SLC30A1: variants seen among roughly 807,000 people sequenced by gnomAD.
SLC30A1 encodes proton-coupled zinc antiporter SLC30A1.
In SLC30A1, 7 loss-of-function variants were observed where a neutral mutation model predicts 29.8. The ratio of observed to expected loss-of-function variants is 0.23; its 90% confidence interval spans 0.13 to 0.44. SLC30A1 has a LOEUF of 0.44. Among genes scored for constraint, SLC30A1 ranks in the 20% least tolerant of loss-of-function variants. The pLI, the probability that SLC30A1 is intolerant of heterozygous loss-of-function variation, is 1.00. For synonymous variants in SLC30A1, 254 were observed against 253.5 expected (o/e 1.00, Z -0.02); for missense variants, 446 against 647.9 (o/e 0.69, Z 3.38).
chr1:211,578,078 G>C lies in SLC30A1; in HGVS notation c.535C>G (p.Pro179Ala), dbSNP rs778260784. ...RPGSSDINVA[P>A]GEQGPDQEET... ...TCCTGGTCGGGACCCTGCTCGCCCGGGGCCACGTTGATGTCGCTGCTCCCG... is the reference window on the plus strand; with the variant it reads ...TCCTGGTCGGGACCCTGCTCGCCCGCGGCCACGTTGATGTCGCTGCTCCCG... Residue 179 changes from proline (P) to alanine (A), a missense_variant, in exon 1 of 2, where the codon CCG becomes GCG. Coordinates refer to ENST00000367001, the MANE Select transcript of SLC30A1 (RefSeq NM_021194.3). 6.2e-7 allele frequency: 1 copy of C among 1,612,436 alleles called. No homozygotes were observed. The highest frequency in any genetic ancestry group is 8.5e-7 in the Non-Finnish European group (1 of 1,179,566).
rs896239454 is a variant in SLC30A1 at position 211,577,103 on chromosome 1, A to G, written c.623-814T>C. Among the ~76,000 whole-genome samples the G allele has an allele frequency of 1.3e-5, 2 of 152,236 alleles. No individual in the cohort carries two copies. The highest frequency in any genetic ancestry group is 2.9e-5 in the Non-Finnish European group (2 of 68,044). On this transcript the variant is annotated intron_variant, in intron 1 of 1. Transcript: ENST00000367001. The surrounding 1 kb of genome is among the most constrained non-coding windows in gnomAD (Gnocchi z 4.5). The stretch of plus-strand genomic sequence containing the variant: ...CTAACTTCATATTCTGCACTCGAAA[A>G]GGAAAATTATGTAGCATAATTTATA...
rs75248493 is a variant in SLC30A1 at position 211,572,091 on chromosome 1, T to G, written c.*3297A>C. ...AGGCTCTTGTGCCAGTGAAAATGACTGCTAAATATTCCAGAGCTTGTTAGT... is the reference window on the plus strand; with the variant it reads ...AGGCTCTTGTGCCAGTGAAAATGACGGCTAAATATTCCAGAGCTTGTTAGT... On this transcript the variant is annotated 3_prime_UTR_variant, in exon 2 of 2. Transcript: ENST00000367001. 6.6e-6 allele frequency: 1 copy of G among 152,154 alleles called. No individual in the cohort carries two copies. Among genetic ancestry groups the G allele is most frequent in the Non-Finnish European group, 1.5e-5 (1 of 67,974 alleles). The allele number at this position is 152,154 out of a possible 1,614,324, so 9.4% of individuals were successfully genotyped here.
intron 1 of SLC30A1, among the ~76,000 whole-genome samples, chr1:211,576,916 C>CA (rs1706726024): frequency 6.6e-6 from 1 of 152,016 alleles, no homozygotes. Flanking sequence ...TTGATCTTTT[C>CA]AAAAAGTATT....
rs1706673230 is a variant in SLC30A1, at chr1:211,573,221, A to G, written c.*2167T>C. 6.6e-6 allele frequency: 1 copy of G among 152,096 alleles called. No homozygotes were observed. The allele number at this position is 152,096 out of a possible 1,614,324, so 9.4% of individuals were successfully genotyped here. The stretch of plus-strand genomic sequence containing the variant: ...TGTTTCTGCCGACAGTCATTTGAAA[A>G]AAGAAAATCCTATGGTACCACCATT... On this transcript the variant is annotated 3_prime_UTR_variant, in exon 2 of 2. Coordinates refer to ENST00000367001, the MANE Select transcript of SLC30A1 (RefSeq NM_021194.3).
Position 211,575,796 on chromosome 1 carries a change from T to C in SLC30A1, c.1116A>G (p.Leu372=). ...NVEGVEEVHE[L]HVWQLAGSRI... ...TGCTTCCAGCAAGTTGCCAAACATG[T>C]AATTCATGAACTTCCTCAACTCCTT... Residue 372 remains leucine, a synonymous_variant, in exon 2 of 2, where the codon TTA becomes TTG. Coordinates refer to ENST00000367001, the MANE Select transcript of SLC30A1 (RefSeq NM_021194.3). The surrounding 1 kb of genome is among the most constrained non-coding windows in gnomAD (Gnocchi z 6.0). 1 of 1,614,170 alleles carries C rather than the reference T, an allele frequency of 6.2e-7. No homozygotes were observed. Among genetic ancestry groups the C allele is most frequent in the Admixed American group, 1.7e-5 (1 of 60,036 alleles).
rs1326900549 is a variant in SLC30A1, at chr1:211,575,105, TTATGTTA to T, written c.*276_*282del. The T allele has an allele frequency of 8.3e-6, 2 of 240,242 alleles. No homozygotes were observed. Among genetic ancestry groups the T allele is most frequent in the East Asian group, 1.7e-4 (2 of 11,764 alleles). The allele number at this position is 240,242 out of a possible 1,614,324, so 14.9% of individuals were successfully genotyped here. A position where few individuals can be genotyped will look rare whatever the true frequency, so the allele number is the denominator to read the frequency against. On this transcript the variant is annotated 3_prime_UTR_variant, in exon 2 of 2. Transcript: ENST00000367001. This position sits in a 1 kb window ranked among gnomAD's most constrained non-coding sequence, Gnocchi z 6.0. ...GGAAAAATCCAGAAATCAAATGTCA[TTATGTTA>T]TATAAGGTTTAACTTACTTTAAACA...
chr1:211,572,846 T>G lies in SLC30A1; in HGVS notation c.*2542A>C, dbSNP rs1481075489. 1 of 152,064 alleles carries G rather than the reference T, an allele frequency of 6.6e-6. No homozygotes were observed. Among genetic ancestry groups the G allele is most frequent in the Non-Finnish European group, 1.5e-5 (1 of 67,930 alleles). The allele number at this position is 152,064 out of a possible 1,614,324, so 9.4% of individuals were successfully genotyped here. A position where few individuals can be genotyped will look rare whatever the true frequency, so the allele number is the denominator to read the frequency against. ...TTCAGGCACATGCAGCACCTCCTTTTCACTAAACTGAGACAACAGACAAGT... is the reference window on the plus strand; with the variant it reads ...TTCAGGCACATGCAGCACCTCCTTTGCACTAAACTGAGACAACAGACAAGT... On this transcript the variant is annotated 3_prime_UTR_variant, in exon 2 of 2. Transcript: ENST00000367001.
In SLC30A1 at chr1:211,578,061, G is replaced by T; in HGVS notation, c.552C>A (p.Pro184=). ...DINVAPGEQG[P]DQEETNTLVA... ...CCAGGGTGTTGGTCTCCTCCTGGTC[G>T]GGACCCTGCTCGCCCGGGGCCACGT... is the stretch of plus-strand genomic sequence containing the variant. Residue 184 remains proline, a synonymous_variant, in exon 1 of 2, where the codon CCC becomes CCA. Transcript: ENST00000367001. The T allele has an allele frequency of 6.2e-7, 1 of 1,613,038 alleles. No individual in the cohort carries two copies. The highest frequency in any genetic ancestry group is 1.1e-5 in the South Asian group (1 of 91,040).
At position 211,572,936 on chromosome 1, in the gene SLC30A1, T is replaced by C. The variant is rs1706669378; in HGVS notation, c.*2452A>G. The C allele has an allele frequency of 6.6e-6, 1 of 152,206 alleles. No individual in the cohort carries two copies. Among genetic ancestry groups the C allele is most frequent in the Non-Finnish European group, 1.5e-5 (1 of 67,910 alleles). 9.4% of individuals were successfully genotyped at this position (152,206 alleles called of 1,614,324 possible). ...AAAGAGCCAGCAGGAGAGATGCAAC[T>C]CCTAAAACTGATGCAGTGTTATAAA... On this transcript the variant is annotated 3_prime_UTR_variant, in exon 2 of 2. Coordinates refer to ENST00000367001, the MANE Select transcript of SLC30A1 (RefSeq NM_021194.3).
rs1057166067 is a variant in SLC30A1 at position 211,577,707 on chromosome 1, G to A, written c.622+284C>T. On this transcript the variant is annotated intron_variant, in intron 1 of 1. Coordinates refer to ENST00000367001, the MANE Select transcript of SLC30A1 (RefSeq NM_021194.3). The surrounding 1 kb of genome is among the most constrained non-coding windows in gnomAD (Gnocchi z 4.5). ...CAGCCAAGTGCGGGTGTGGACTGCA[G>A]CGGGATGATGATCACCTCCTGACCC... is the stretch of plus-strand genomic sequence containing the variant. 6.6e-6 allele frequency among the ~76,000 whole-genome samples: 1 copy of A among 152,258 alleles called. No homozygotes were observed. Among genetic ancestry groups the A allele is most frequent in the African/African-American group, 2.4e-5 (1 of 41,472 alleles).
rs1035452916 is a variant in SLC30A1, at chr1:211,578,981, C to T, written c.-369G>A. On this transcript the variant is annotated 5_prime_UTR_variant, in exon 1 of 2. Coordinates refer to ENST00000367001, the MANE Select transcript of SLC30A1 (RefSeq NM_021194.3). The stretch of plus-strand genomic sequence containing the variant: ...CGCAGCCGGAGCAGGAGCAGGAGGG[C>T]GGCGGGCGAGGGCGGCAGGAGAGGG... 6.6e-6 allele frequency among the ~76,000 whole-genome samples: 1 copy of T among 152,112 alleles called. No homozygotes were observed. Among genetic ancestry groups the T allele is most frequent in the Non-Finnish European group, 1.5e-5 (1 of 67,974 alleles).
chr1:211,575,408 G>A lies in SLC30A1; in HGVS notation c.1504C>T (p.Gln502Ter). ...AAGACTCACAAAGATGATTCAGGTT[G>A]TTTGTTTGGCATGTTTTTAATCTCT... ...VIEIKNMPNK[Q>*]PESSL is the part of the protein sequence containing the mutation. Residue 502 changes from glutamine to a stop codon, truncating the protein, a stop_gained, in exon 2 of 2, where the codon CAA becomes TAA. Coordinates refer to ENST00000367001, the MANE Select transcript of SLC30A1 (RefSeq NM_021194.3). LOFTEE classifies it high-confidence loss of function. This position sits in a 1 kb window ranked among gnomAD's most constrained non-coding sequence, Gnocchi z 6.0. 1 of 1,596,886 alleles carries A rather than the reference G, an allele frequency of 6.3e-7. No homozygotes were observed. The highest frequency in any genetic ancestry group is 2.2e-5 in the East Asian group (1 of 44,760).
In SLC30A1 at chr1:211,571,681, G is replaced by A. The variant is rs1038560129; in HGVS notation, c.*3707C>T. ...ACATAACAATCCATAAAGCCTCATG[G>A]TGAGGTAGGAACAGCTTTGGAAAAT... On this transcript the variant is annotated 3_prime_UTR_variant, in exon 2 of 2. Coordinates refer to ENST00000367001, the MANE Select transcript of SLC30A1 (RefSeq NM_021194.3). The A allele has an allele frequency of 6.6e-6, 1 of 152,166 alleles. No individual in the cohort carries two copies. The highest frequency in any genetic ancestry group is 1.5e-5 in the Non-Finnish European group (1 of 68,012). The allele number at this position is 152,166 out of a possible 1,614,324, so 9.4% of individuals were successfully genotyped here. A position where few individuals can be genotyped will look rare whatever the true frequency, so the allele number is the denominator to read the frequency against.
In SLC30A1 at chr1:211,578,851, C is replaced by G. The variant is rs547951877; in HGVS notation, c.-239G>C. 1.6e-5 allele frequency: 5 copies of G among 312,454 alleles called. No homozygotes were observed. Among genetic ancestry groups the G allele is most frequent in the East Asian group, 1.6e-4 (3 of 18,906 alleles). 19.4% of individuals were successfully genotyped at this position (312,454 alleles called of 1,614,324 possible). A position where few individuals can be genotyped will look rare whatever the true frequency, so the allele number is the denominator to read the frequency against. The stretch of plus-strand genomic sequence containing the variant: ...CGCGCCGCGCAGCTCCTCAGGCGTC[C>G]GTCCTCAGAGCCGGCGCCGAGGCCC... On this transcript the variant is annotated 5_prime_UTR_variant, in exon 1 of 2. Coordinates refer to ENST00000367001, the MANE Select transcript of SLC30A1 (RefSeq NM_021194.3).
chr1:211,578,606 A>G lies in SLC30A1; in HGVS notation c.7T>C (p.Cys3Arg). 6.4e-7 allele frequency: 1 copy of G among 1,560,504 alleles called. No homozygotes were observed. The change falls in exon 1 of 2, where the codon TGT becomes CGT. Residue 3 changes from cysteine (C) to arginine (R), a missense_variant. Transcript: ENST00000367001. ...AGCCGGCCCCGGTTCCGACCCCAAC[A>G]CCCCATGGCTGCGGCTGCGGGGCCC... MG[C>R]WGRNRGRLLC...
In SLC30A1 at chr1:211,577,865, G is replaced by C; in HGVS notation, c.622+126C>G. The C allele has an allele frequency of 7.8e-7, 1 of 1,282,904 alleles. No individual in the cohort carries two copies. The highest frequency in any genetic ancestry group is 1.1e-6 in the Non-Finnish European group (1 of 948,914). 79.5% of individuals were successfully genotyped at this position (1,282,904 alleles called of 1,614,324 possible). ...GCGTGTGCAGGACGGGGAGGGAGCA[G>C]GCAGGGGCGGCGCGGCGCAGGCCCG... On this transcript the variant is annotated intron_variant, in intron 1 of 1. Transcript: ENST00000367001. The surrounding 1 kb of genome is among the most constrained non-coding windows in gnomAD (Gnocchi z 4.5).
rs1052692545 is a variant in SLC30A1 at position 211,572,368 on chromosome 1, T to C, written c.*3020A>G. 5.9e-5 allele frequency: 9 copies of C among 152,152 alleles called. No individual in the cohort carries two copies. Among genetic ancestry groups the C allele is most frequent in the African/African-American group, 2.2e-4 (9 of 41,474 alleles). The allele number at this position is 152,152 out of a possible 1,614,324, so 9.4% of individuals were successfully genotyped here. A position where few individuals can be genotyped will look rare whatever the true frequency, so the allele number is the denominator to read the frequency against. ...GTGTGAACATCTTAAGACAGCAGGT[T>C]AATGACATTTTTATCATTCAAATGA... On this transcript the variant is annotated 3_prime_UTR_variant, in exon 2 of 2. Coordinates refer to ENST00000367001, the MANE Select transcript of SLC30A1 (RefSeq NM_021194.3).
rs1167526406 is a variant in SLC30A1 at position 211,573,434 on chromosome 1, A to C, written c.*1954T>G. ...TGCCATCTTTAAGACACAGACCTCA[A>C]GTAGAGCATTTGTAAAGAAAACCTC... On this transcript the variant is annotated 3_prime_UTR_variant, in exon 2 of 2. Transcript: ENST00000367001. 1 of 152,088 alleles carries C rather than the reference A, an allele frequency of 6.6e-6. No individual in the cohort carries two copies. Among genetic ancestry groups the C allele is most frequent in the Admixed American group, 6.5e-5 (1 of 15,276 alleles). 9.4% of individuals were successfully genotyped at this position (152,088 alleles called of 1,614,324 possible).
Position 211,577,612 on chromosome 1 carries a change from G to T in SLC30A1, c.622+379C>A, listed in dbSNP as rs1208813946. 6.6e-6 allele frequency among the ~76,000 whole-genome samples: 1 copy of T among 152,228 alleles called. No homozygotes were observed. The highest frequency in any genetic ancestry group is 1.9e-4 in the East Asian group (1 of 5,192). ...CAAGAGGGCCAAGGAATTGAATTGG[G>T]AAGCATTTCTGACGCTGTTATAACC... On this transcript the variant is annotated intron_variant, in intron 1 of 1. Coordinates refer to ENST00000367001, the MANE Select transcript of SLC30A1 (RefSeq NM_021194.3). The surrounding 1 kb of genome is among the most constrained non-coding windows in gnomAD (Gnocchi z 4.5).
Sources: allele counts gnomAD v4.1 joint callset (sites outside exome capture counted in the v4.1 genomes callset), GRCh38; gene constraint gnomAD v4.1.1; non-coding constraint Gnocchi (gnomAD v3.1); transcripts MANE v1.5; gene names NCBI Gene and HGNC (gene_info 2026-07-23, HGNC 2026-07-21).